Variants in CCDC6 observed in about 807,000 individuals in gnomAD.
The protein encoded by CCDC6 is coiled-coil domain-containing protein 6.
In CCDC6, 20 loss-of-function variants were observed where a neutral mutation model predicts 56.6. The observed-to-expected ratio is 0.35, with a 90% CI of 0.25 to 0.51. The LOEUF (loss-of-function observed/expected upper bound fraction) is 0.51, where lower values mean the gene tolerates loss of function less well. CCDC6 is among the 20% of genes least tolerant of loss of function. The pLI is 0.95. For missense variants in CCDC6, 367 were observed against 601.1 expected, an observed-to-expected ratio of 0.61 and a Z score of 4.07; for synonymous variants, 241 against 234.4, an observed-to-expected ratio of 1.03 and a Z score of -0.26.
At chr10:59,884,215 T>C (rs896787224) in intron 1 of CCDC6, among the ~76,000 whole-genome samples, 2 of 152,176 alleles carry the variant, frequency 1.3e-5, no homozygotes, top group African/African-American at 4.8e-5. Context: ...CAATTTGTTC[T>C]AAGTAAAAGC....
chr10:59,806,902 C>T lies in CCDC6; in HGVS notation c.1004+20G>A, dbSNP rs775030217. 12 of 1,606,730 alleles carry T rather than the reference C, an allele frequency of 7.5e-6. No homozygotes were observed. In the Admixed American group the frequency reaches 1.5e-4, roughly 21 times the overall value. On this transcript the variant is annotated intron_variant, in intron 6 of 8. Coordinates refer to ENST00000263102, the MANE Select transcript of CCDC6 (RefSeq NM_005436.5). The stretch of plus-strand genomic sequence containing the variant: ...TTTTATTTTTTAAACAAAAACAAGG[C>T]TCATAAGACATGCACACACCTTTCG...
chr10:59,890,966 G>A (rs998753069), intron 1 of CCDC6, among the ~76,000 whole-genome samples: 2 of 151,990 alleles, frequency 1.3e-5, no homozygotes, highest in African/African-American at 2.4e-5. Context: ...TCCCACCTAT[G>A]AGTGAGAACA....
intron 2 of CCDC6, among the ~76,000 whole-genome samples, chr10:59,837,148 C>A (rs746521476): frequency 5.9e-5 from 9 of 152,186 alleles, no homozygotes; most frequent in Non-Finnish European, 1.3e-4. Context: ...ATGAACCAGG[C>A]CTTTTACATA....
intron 1 of CCDC6, among the ~76,000 whole-genome samples, chr10:59,856,345 T>TAAAAA (rs59039796): frequency 7.3e-6 from 1 of 137,632 alleles, no homozygotes; most frequent in Non-Finnish European, 1.6e-5. Flanking sequence ...CAGCCTTAGG[T>TAAAAA]AAAAAAAAAA....
chr10:59,815,522 G>A (rs749509115), intron 3 of CCDC6, among the ~76,000 whole-genome samples: 1 of 152,058 alleles, frequency 6.6e-6, no homozygotes, highest in Non-Finnish European at 1.5e-5. Context: ...CTTTTAGTGG[G>A]GGTCAAGACA....
intron 2 of CCDC6, among the ~76,000 whole-genome samples, chr10:59,835,437 C>T (rs2070873709): frequency 6.6e-6 from 1 of 152,154 alleles, no homozygotes; most frequent in Admixed American, 6.5e-5. Context: ...CCTAACAGAG[C>T]TCTCAATTTT....
At chr10:59,892,323 AG>A (rs2132683137) in intron 1 of CCDC6, among the ~76,000 whole-genome samples, 1 of 152,330 alleles carries the variant, frequency 6.6e-6, no homozygotes, top group South Asian at 2.1e-4. Context: ...CAGATCTTTT[AG>A]GAAGTGTGTT....
rs1452477400 is a variant in CCDC6 at position 59,820,993 on chromosome 10, GC to G, written c.583-6239del. Among the ~76,000 whole-genome samples, 14 of 151,846 alleles carry G rather than the reference GC, an allele frequency of 9.2e-5. 1 individual carries two copies. The highest frequency in any genetic ancestry group is 9.2e-4 in the Admixed American group (14 of 15,242). On this transcript the variant is annotated intron_variant, in intron 3 of 8. Transcript: ENST00000263102. ...ATGTCTAAAGGCCATTAAAAGCTTA[GC>G]CCCATCTCCTATCACTTTACTATGT...
intron 3 of CCDC6, among the ~76,000 whole-genome samples, chr10:59,831,277 G>C (rs1290734372): frequency 6.6e-6 from 1 of 152,124 alleles, no homozygotes. Flanking sequence ...TCACAGAAAG[G>C]ATGACAACAC....
At position 59,792,723 on chromosome 10, in the gene CCDC6, G is replaced by A. The variant is rs375954432; in HGVS notation, c.*194C>T. The A allele has an allele frequency of 3.2e-4, 245 of 770,810 alleles. No individual in the cohort carries two copies. Among genetic ancestry groups the A allele is most frequent in the Non-Finnish European group, 4.2e-4 (179 of 423,586 alleles). 47.7% of individuals were successfully genotyped at this position (770,810 alleles called of 1,614,324 possible). On this transcript the variant is annotated 3_prime_UTR_variant, in exon 9 of 9. Coordinates refer to ENST00000263102, the MANE Select transcript of CCDC6 (RefSeq NM_005436.5). ...AAGTAAAACACTGATGGAAAAAGTCGTCTGGTTAGTGTTGTAGACCCACAA... is the reference window on the plus strand; with the variant it reads ...AAGTAAAACACTGATGGAAAAAGTCATCTGGTTAGTGTTGTAGACCCACAA...
At chr10:59,846,360 A>T (rs1164820145) in intron 2 of CCDC6, among the ~76,000 whole-genome samples, 1 of 152,174 alleles carries the variant, frequency 6.6e-6, no homozygotes, top group African/African-American at 2.4e-5. Flanking sequence ...CTGTTGCATG[A>T]TATCCTTCTG....
chr10:59,814,602 A>G, intron 4 of CCDC6, 50 bp downstream of exon 4: 1 of 908,722 alleles, frequency 1.1e-6, no homozygotes, highest in South Asian at 1.6e-5. Flanking sequence ...GAGCAGCAAC[A>G]CACACACACA....
chr10:59,869,438 A>AAACAG (rs1346877441), intron 1 of CCDC6, among the ~76,000 whole-genome samples: 1 of 151,068 alleles, frequency 6.6e-6, no homozygotes, highest in Non-Finnish European at 1.5e-5. Context: ...AGAAAAAAAA[A>AAACAG]AAACAGAAAC....
chr10:59,843,554 G>T (rs999809112), intron 2 of CCDC6, among the ~76,000 whole-genome samples: 1 of 152,164 alleles, frequency 6.6e-6, no homozygotes, highest in Admixed American at 6.5e-5. Context: ...TCCAATATTT[G>T]AAGAATCTGC....
intron 2 of CCDC6, among the ~76,000 whole-genome samples, chr10:59,850,144 A>C (rs2071025365): frequency 6.6e-6 from 1 of 152,180 alleles, no homozygotes; most frequent in Admixed American, 6.5e-5. Context: ...CAGAGACCTG[A>C]ACCTAAAACT....
chr10:59,819,772 C>T (rs932759257), intron 3 of CCDC6, among the ~76,000 whole-genome samples: 3 of 152,128 alleles, frequency 2.0e-5, no homozygotes, highest in African/African-American at 7.2e-5. Context: ...TCATGCAATA[C>T]GTACCCCACT....
chr10:59,892,128 G>A (rs1480240106), intron 1 of CCDC6, among the ~76,000 whole-genome samples: 1 of 152,228 alleles, frequency 6.6e-6, no homozygotes, highest in East Asian at 1.9e-4. Flanking sequence ...AGTGGCACTA[G>A]GGCGTTGCCC....
chr10:59,877,846 A>C (rs969410989), intron 1 of CCDC6, among the ~76,000 whole-genome samples: 4 of 152,232 alleles, frequency 2.6e-5, no homozygotes, highest in Non-Finnish European at 5.9e-5. Flanking sequence ...AACAACAACA[A>C]AAACACAAAA....
intron 1 of CCDC6, among the ~76,000 whole-genome samples, chr10:59,878,119 G>A (rs2071300475): frequency 6.6e-6 from 1 of 152,024 alleles, no homozygotes; most frequent in South Asian, 2.1e-4. Context: ...AGTATCTTAA[G>A]GAATAAGAAG....
Sources: gnomAD v4.1 joint callset for allele counts (sites outside exome capture counted in the v4.1 genomes callset) on GRCh38, gnomAD v4.1.1 for gene constraint, MANE v1.5 for transcripts, NCBI Gene and HGNC (gene_info 2026-07-23, HGNC 2026-07-21) for gene names.